Variants in ADAMDEC1 observed in about 807,000 individuals in gnomAD.
ADAMDEC1 encodes the protein ADAM like decysin 1.
ADAMDEC1 carries 62 observed loss-of-function variants against 60.4 expected under a neutral mutation model. The ratio of observed to expected loss-of-function variants is 1.03; its 90% CI spans 0.84 to 1.27. The LOEUF (loss-of-function observed/expected upper bound fraction) is 1.27. Ranked by LOEUF, ADAMDEC1 falls within the 50% of genes most tolerant of loss-of-function variation. The pLI, the probability that ADAMDEC1 is intolerant of heterozygous loss-of-function variation, is 0.00. For synonymous variants in ADAMDEC1, 210 were observed against 195.1 expected (o/e 1.08, Z -0.64); for missense variants, 595 against 565.0 (o/e 1.05, Z -0.54).
chr8:24,396,953 G>A (rs1457320555), intron 5 of ADAMDEC1, among the ~76,000 whole-genome samples: 1 of 152,114 alleles, frequency 6.6e-6, no homozygotes, highest in African/African-American at 2.4e-5. Flanking sequence ...TATAGTCCTA[G>A]GATCTGCCAT....
chr8:24,405,267 C>G (rs1425120470), intron 13 of ADAMDEC1, 25 bp from the exon 14 acceptor site: 2 of 1,610,192 alleles, frequency 1.2e-6, no homozygotes, highest in Non-Finnish European at 1.7e-6. Flanking sequence ...CCCTGGCTTC[C>G]AAATTTTATT....
At chr8:24,385,350 C>T (rs1319261001) in intron 1 of ADAMDEC1, among the ~76,000 whole-genome samples, 2 of 152,156 alleles carry the variant, frequency 1.3e-5, no homozygotes, top group African/African-American at 4.8e-5. Context: ...AAGCTGCACA[C>T]ATACGGCTGG....
At chr8:24,402,276 A>G (rs1817785151) in intron 12 of ADAMDEC1, among the ~76,000 whole-genome samples, 184 bp downstream of exon 12, 2 of 152,182 alleles carry the variant, frequency 1.3e-5, no homozygotes, top group South Asian at 4.1e-4. Flanking sequence ...CTAGGACTTG[A>G]TTTTGACATA....
chr8:24,396,942 T>A (rs1817629544), intron 5 of ADAMDEC1, among the ~76,000 whole-genome samples: 1 of 152,212 alleles, frequency 6.6e-6, no homozygotes, highest in African/African-American at 2.4e-5. Flanking sequence ...CCATTTTCCA[T>A]TATAGTCCTA....
chr8:24,396,926 C>G (rs1186626714), intron 5 of ADAMDEC1, among the ~76,000 whole-genome samples: 1 of 152,194 alleles, frequency 6.6e-6, no homozygotes, highest in Non-Finnish European at 1.5e-5. Flanking sequence ...TAAACATTCC[C>G]TTACTCCATT....
chr8:24,401,881 A>G (rs533348935), intron 11 of ADAMDEC1, 34 bp from the exon 12 acceptor site: 4 of 1,531,930 alleles, frequency 2.6e-6, no homozygotes, highest in African/African-American at 2.8e-5. Flanking sequence ...ACCACACTGT[A>G]TATCATATTA....
intron 10 of ADAMDEC1, among the ~76,000 whole-genome samples, chr8:24,399,797 G>T (rs1817714860): frequency 6.6e-6 from 1 of 152,134 alleles, no homozygotes; most frequent in African/African-American, 2.4e-5. Flanking sequence ...TGGCCAGAGA[G>T]GCCAGACAAG....
In ADAMDEC1 at chr8:24,397,676, T is replaced by C. The variant is rs1364075757; in HGVS notation, c.628-7T>C. On this transcript the variant is annotated splice_region_variant and splice_polypyrimidine_tract_variant and intron_variant, in intron 6 of 13. Transcript: ENST00000256412. ...TGATTAACAATGTTCTTTTATTCTTTGTAAAGAAAGAAGACTTTCTTCGGG... is the reference window on the plus strand; with the variant it reads ...TGATTAACAATGTTCTTTTATTCTTCGTAAAGAAAGAAGACTTTCTTCGGG... 1 of 1,611,000 alleles carries C rather than the reference T, an allele frequency of 6.2e-7. No homozygotes were observed. The highest frequency in any genetic ancestry group is 8.5e-7 in the Non-Finnish European group (1 of 1,177,820).
At position 24,384,456 on chromosome 8, in the gene ADAMDEC1, A is replaced by G; in HGVS notation, c.-49A>G. ...TTTTAATTTTCTTGTTCAACTTCTA[A>G]AGAGAAATTGGAGAAGATAAAACTG... is the stretch of plus-strand genomic sequence containing the variant. On this transcript the variant is annotated 5_prime_UTR_variant, in exon 1 of 14. Transcript: ENST00000256412. 6.9e-7 allele frequency: 1 copy of G among 1,448,692 alleles called. No individual in the cohort carries two copies. Among genetic ancestry groups the G allele is most frequent in the Non-Finnish European group, 9.4e-7 (1 of 1,068,586 alleles). 89.7% of individuals were successfully genotyped at this position (1,448,692 alleles called of 1,614,324 possible).
chr8:24,391,396 A>G (rs1034025608), intron 1 of ADAMDEC1, among the ~76,000 whole-genome samples: 12 of 152,216 alleles, frequency 7.9e-5, no homozygotes, highest in African/African-American at 1.7e-4. Flanking sequence ...ATTTTATCTT[A>G]TTCAAGTTTT....
chr8:24,390,806 T>C (rs191855623), intron 1 of ADAMDEC1, among the ~76,000 whole-genome samples: 35 of 152,276 alleles, frequency 2.3e-4, no homozygotes, highest in African/African-American at 7.9e-4. Context: ...TATTTGTTTT[T>C]TACTTTATAT....
rs1354350441 is a variant in ADAMDEC1, at chr8:24,395,720, G to A, written c.364G>A (p.Glu122Lys). The A allele has an allele frequency of 6.2e-7, 1 of 1,610,086 alleles. No individual in the cohort carries two copies. The highest frequency in any genetic ancestry group is 8.5e-7 in the Non-Finnish European group (1 of 1,177,712). ...GCATAATTTCTTTTTTCCACTCCAG[G>A]AACACTGTTACTATAAAGGAAACAT... ...EEITTKPENMEHCYYKGNILN... is the reference protein window; with the variant it reads ...EEITTKPENMKHCYYKGNILN... The change falls in exon 5 of 14, where the codon GAA (glutamate) becomes AAA (lysine). Residue 122 changes from glutamate to lysine, a missense_variant and splice_region_variant. By Grantham distance (56) the Glu-to-Lys change is moderately conservative (BLOSUM62 1). Coordinates refer to ENST00000256412, the MANE Select transcript of ADAMDEC1 (RefSeq NM_014479.3).
In ADAMDEC1 at chr8:24,398,548, T is replaced by C. The variant is rs1286419778; in HGVS notation, c.759T>C (p.Asn253=). The C allele has an allele frequency of 1.3e-6, 2 of 1,596,922 alleles. No individual in the cohort carries two copies. Among genetic ancestry groups the C allele is most frequent in the East Asian group, 4.5e-5 (2 of 44,650 alleles). ...TGTTTGATGTGATGAACCTACTCAA[T>C]GTGGTAAGACATTAGTCATGTAAAC... ...SFVFDVMNLL[N]VIYNTIDVQV... is the part of the protein sequence containing the mutation. The change falls in exon 8 of 14, where the codon AAT becomes AAC. Residue 253 remains asparagine, a synonymous_variant. Coordinates refer to ENST00000256412, the MANE Select transcript of ADAMDEC1 (RefSeq NM_014479.3).
Position 24,394,106 on chromosome 8 carries a change from T to A in ADAMDEC1, c.322T>A (p.Ser108Thr). The change falls in exon 4 of 14, where the codon TCA (serine) becomes ACA (threonine). Residue 108 changes from serine to threonine, a missense_variant. Transcript: ENST00000256412. ...GCCAGACTACACTGAAACATTGTAC[T>A]CACCCAGAGGAGAGGAAATTACCAC... ...LGPDYTETLY[S>T]PRGEEITTKP... The A allele has an allele frequency of 6.2e-7, 1 of 1,613,608 alleles. No homozygotes were observed. The highest frequency in any genetic ancestry group is 1.1e-5 in the South Asian group (1 of 91,058).
chr8:24,402,116 G>A (rs1817781287), intron 12 of ADAMDEC1, 24 bp downstream of exon 12: 4 of 1,543,510 alleles, frequency 2.6e-6, no homozygotes, highest in Middle Eastern at 1.7e-4. Context: ...GAATTATTGG[G>A]GCAGAAGAAT....
At position 24,393,296 on chromosome 8, in the gene ADAMDEC1, T is replaced by C. The variant is rs77012108; in HGVS notation, c.242T>C (p.Ile81Thr). 4.4e-3 allele frequency: 7,004 copies of C among 1,605,972 alleles called. 279 individuals carry two copies. The African/African-American group carries it at 0.084, about 19-fold the overall frequency. ...RYEPEVQYQM[I>T]LNGEEIILSL... Reference sequence around the variant, plus strand: ...GAACCTGAAGTTCAATATCAGATGATCTTAAATGGAGAAGAAATCATTCTC... The same window carrying C: ...GAACCTGAAGTTCAATATCAGATGACCTTAAATGGAGAAGAAATCATTCTC... Residue 81 changes from isoleucine to threonine, a missense_variant, in exon 3 of 14, where the codon ATC becomes ACC. By Grantham distance (89) the Ile-to-Thr change is moderately conservative. Coordinates refer to ENST00000256412, the MANE Select transcript of ADAMDEC1 (RefSeq NM_014479.3).
At chr8:24,390,219 G>T (rs1817402912) in intron 1 of ADAMDEC1, 1 of 1,130,310 alleles carries the variant, frequency 8.8e-7, no homozygotes, top group East Asian at 5.9e-5. Context: ...ATCAGAGAAG[G>T]TAAGTTGCTT....
chr8:24,394,548 TAATA>T (rs1407161599), intron 4 of ADAMDEC1, among the ~76,000 whole-genome samples: 1 of 152,190 alleles, frequency 6.6e-6, no homozygotes, highest in African/African-American at 2.4e-5. Context: ...TATCAATAAT[TAATA>T]TTTTTATATC....
At chr8:24,397,516 ATAC>A (rs1817647147) in intron 6 of ADAMDEC1, 60 bp downstream of exon 6, 2 of 1,572,480 alleles carry the variant, frequency 1.3e-6, no homozygotes, top group Admixed American at 3.6e-5. Context: ...GATAGGCAAT[ATAC>A]TACTATTCTT....
Sources: allele counts gnomAD v4.1 joint callset (sites outside exome capture counted in the v4.1 genomes callset), GRCh38; gene constraint gnomAD v4.1.1; transcripts MANE v1.5; gene names NCBI Gene and HGNC (gene_info 2026-07-23, HGNC 2026-07-21).